The following LGSN variants were observed in gnomAD, a reference collection of about 807,000 sequenced individuals.
The protein encoded by LGSN is lengsin.
A neutral mutation model predicts 19.5 loss-of-function variants in LGSN; 21 were observed. The ratio of observed to expected loss-of-function variants is 1.07; its 90% CI spans 0.76 to 1.55. LGSN has a LOEUF of 1.55. Ranked by LOEUF, LGSN falls within the 40% of genes most tolerant of loss-of-function variation. The pLI, the probability that LGSN is intolerant of heterozygous loss-of-function variation, is 0.00. For synonymous variants in LGSN, 257 were observed against 215.6 expected, an observed-to-expected ratio of 1.19 and a Z score of -1.68; for missense variants, 673 against 608.5, an observed-to-expected ratio of 1.11 and a Z score of -1.12.
chr6:63,282,616 G>A (rs906779983), intron 3 of LGSN, among the ~76,000 whole-genome samples: 7 of 152,130 alleles, frequency 4.6e-5, no homozygotes, highest in South Asian at 2.1e-4. Context: ...TCACTCTTCC[G>A]CATTTGCCCA....
the LGSN span, among the ~76,000 whole-genome samples, chr6:63,388,594 C>T: frequency 6.6e-6 from 1 of 152,080 alleles, no homozygotes; most frequent in Non-Finnish European, 1.5e-5. Context: ...GGAGAGAGGC[C>T]TCAGAAGAAA....
chr6:63,486,785 C>T, the LGSN span, among the ~76,000 whole-genome samples: 26 of 148,776 alleles, frequency 1.7e-4, 1 homozygote, highest in South Asian at 1.3e-3. Context: ...CCCCAGGCTC[C>T]GGTGATCCCC....
the LGSN span, among the ~76,000 whole-genome samples, chr6:63,521,164 G>C: frequency 6.6e-6 from 1 of 151,778 alleles, no homozygotes; most frequent in Non-Finnish European, 1.5e-5. Flanking sequence ...AACCACCATG[G>C]TACATGTATA....
At chr6:63,471,366 C>T in the LGSN span, among the ~76,000 whole-genome samples, 397 of 151,744 alleles carry the variant, frequency 2.6e-3, 3 homozygotes, top group African/African-American at 9.0e-3. Flanking sequence ...CAATAGTTGG[C>T]TAAATATCAG....
the LGSN span, among the ~76,000 whole-genome samples, chr6:63,535,934 A>G: frequency 4.9e-4 from 75 of 152,236 alleles, no homozygotes; most frequent in Admixed American, 1.9e-3. Flanking sequence ...CACCATGCAC[A>G]GCTAATTTCT....
chr6:63,553,822 C>A, the LGSN span, among the ~76,000 whole-genome samples: 1 of 152,112 alleles, frequency 6.6e-6, no homozygotes, highest in Non-Finnish European at 1.5e-5. Flanking sequence ...AAACCATTGC[C>A]CAGCCTGGGA....
chr6:63,308,121 G>A (rs1475867204), intron 1 of LGSN, among the ~76,000 whole-genome samples: 3 of 152,206 alleles, frequency 2.0e-5, no homozygotes, highest in Non-Finnish European at 4.4e-5. Flanking sequence ...TGATTGCATG[G>A]CATAAATATA....
chr6:63,397,729 C>A, the LGSN span, among the ~76,000 whole-genome samples: 1 of 152,048 alleles, frequency 6.6e-6, no homozygotes, highest in African/African-American at 2.4e-5. Flanking sequence ...ACCAACCTGG[C>A]CAACATGGTG....
the LGSN span, among the ~76,000 whole-genome samples, chr6:63,377,829 G>A: frequency 7.8e-3 from 1,160 of 149,358 alleles, 13 homozygotes; most frequent in African/African-American, 0.026. Context: ...CAGGAGAATC[G>A]CTTGAACCCG....
At position 63,280,825 on chromosome 6, in the gene LGSN, T is replaced by C. The variant is rs1260921490; in HGVS notation, c.726A>G (p.Glu242=). ...LNNHDQPFMQ[E]LVDGLYHTGA... ...CAGTGTGATACAAGCCATCAACAAGTTCCTGCATGAAGGGCTGATCATGGT... is the reference window on the plus strand; with the variant it reads ...CAGTGTGATACAAGCCATCAACAAGCTCCTGCATGAAGGGCTGATCATGGT... The change falls in exon 4 of 4, where the codon GAA becomes GAG. Residue 242 remains glutamate, a synonymous_variant. Transcript: ENST00000370657. The C allele has an allele frequency of 6.2e-7, 1 of 1,613,936 alleles. No individual in the cohort carries two copies. The highest frequency in any genetic ancestry group is 1.7e-5 in the Admixed American group (1 of 59,996).
the LGSN span, among the ~76,000 whole-genome samples, chr6:63,406,095 A>G: frequency 6.6e-6 from 1 of 152,162 alleles, no homozygotes; most frequent in Admixed American, 6.6e-5. Context: ...TTAACACCCC[A>G]CTGTCAACAT....
At chr6:63,438,094 G>C in the LGSN span, among the ~76,000 whole-genome samples, 1 of 152,066 alleles carries the variant, frequency 6.6e-6, no homozygotes, top group Non-Finnish European at 1.5e-5. Context: ...TACACGGTAT[G>C]AGTATATATG....
the LGSN span, among the ~76,000 whole-genome samples, chr6:63,524,436 A>G: frequency 2.0e-5 from 3 of 152,184 alleles, no homozygotes; most frequent in African/African-American, 4.8e-5. Flanking sequence ...GAGGACATCA[A>G]TTTGGGCCTT....
chr6:63,521,723 C>T, the LGSN span: 1 of 152,180 alleles, frequency 6.6e-6, no homozygotes, highest in African/African-American at 2.4e-5. Flanking sequence ...TAGACTTAAG[C>T]TCCTGCACTT....
At chr6:63,572,441 C>T in the LGSN span, 16 of 374,710 alleles carry the variant, frequency 4.3e-5, 1 homozygote, top group Non-Finnish European at 9.5e-6. Flanking sequence ...GGTTGCACGT[C>T]GCGCCGGCTA....
chr6:63,395,700 G>A, the LGSN span: 1 of 153,412 alleles, frequency 6.5e-6, no homozygotes, highest in South Asian at 1.8e-4. Context: ...TGCGAGGCTG[G>A]GCTCTGGGAT....
the LGSN span, among the ~76,000 whole-genome samples, chr6:63,509,069 T>A: frequency 4.0e-5 from 6 of 151,230 alleles, no homozygotes; most frequent in East Asian, 3.9e-4. Context: ...AGGAAAAAAA[T>A]TTTCTTTTTT....
the LGSN span, among the ~76,000 whole-genome samples, chr6:63,545,412 C>T: frequency 6.6e-6 from 1 of 151,980 alleles, no homozygotes; most frequent in Non-Finnish European, 1.5e-5. Flanking sequence ...GAGCTTGAGA[C>T]CAGGCTGGCC....
the LGSN span, among the ~76,000 whole-genome samples, chr6:63,458,104 G>A: frequency 6.6e-6 from 1 of 151,086 alleles, no homozygotes; most frequent in Admixed American, 6.6e-5. Flanking sequence ...TTTCCCTCTT[G>A]TTACCCAGGC....
Sources: allele counts gnomAD v4.1 joint callset (sites outside exome capture counted in the v4.1 genomes callset), GRCh38; gene constraint gnomAD v4.1.1; transcripts MANE v1.5; gene names NCBI Gene and HGNC (gene_info 2026-07-23, HGNC 2026-07-21).